The following KIF4A variants were observed in gnomAD, a reference collection of about 807,000 sequenced individuals.
The protein encoded by KIF4A is kinesin family member 4A, also known as chromosome-associated kinesin KIF4A.
A neutral mutation model predicts 105.9 loss-of-function variants in KIF4A; 7 were observed. That is an observed-to-expected ratio of 0.07 (90% CI 0.04 to 0.12). The LOEUF (loss-of-function observed/expected upper bound fraction) is 0.12, where lower values mean the gene tolerates loss of function less well. Among genes scored for constraint, KIF4A ranks in the 10% least tolerant of loss-of-function variants. The pLI is 1.00. For synonymous variants in KIF4A, 281 were observed against 331.3 expected (o/e 0.85, Z 1.65); for missense variants, 558 against 929.2 (o/e 0.60, Z 5.19).
chrX:70,348,798 A>C (rs1327471367), intron 13 of KIF4A, among the ~76,000 whole-genome samples: 1 of 111,421 alleles, frequency 9.0e-6, no homozygotes, highest in Non-Finnish European at 1.9e-5. Flanking sequence ...TCTTTTCCCC[A>C]CATTTCCCCC....
chrX:70,350,154 G>A (rs1170409493), intron 13 of KIF4A, among the ~76,000 whole-genome samples: 1 of 111,769 alleles, frequency 8.9e-6, no homozygotes, highest in Non-Finnish European at 1.9e-5. Context: ...GGTGGAGGTT[G>A]TAGCGAGCCG....
intron 9 of KIF4A, among the ~76,000 whole-genome samples, chrX:70,333,052 C>T (rs181284124): frequency 1.8e-5 from 2 of 110,971 alleles, no homozygotes; most frequent in East Asian, 5.7e-4. Flanking sequence ...AAAATAGGTA[C>T]TCAAGGCCAG....
At chrX:70,293,357 T>C (rs768325666) in intron 3 of KIF4A, among the ~76,000 whole-genome samples, 1 of 112,534 alleles carries the variant, frequency 8.9e-6, no homozygotes, top group Non-Finnish European at 1.9e-5. Flanking sequence ...CTTGACAACA[T>C]GTCTGCCACA....
rs1222737577 is a variant in KIF4A at position 70,395,965 on chromosome X, T to C, written c.2405T>C (p.Leu802Pro). ...PPKLRRRTFS[L>P]TEVRGQVSES... The stretch of plus-strand genomic sequence containing the variant: ...TATTTACAGAGGCGTACATTCTCCC[T>C]TACTGAAGTGCGTGGTCAAGTTTCG... Residue 802 changes from leucine to proline, a missense_variant, in exon 22 of 31, where the codon CTT (leucine) becomes CCT (proline). Coordinates refer to ENST00000374403, the MANE Select transcript of KIF4A (RefSeq NM_012310.5). 2 of 1,207,051 alleles carry C rather than the reference T, an allele frequency of 1.7e-6. No individual in the cohort carries two copies. Among genetic ancestry groups the C allele is most frequent in the Non-Finnish European group, 2.2e-6 (2 of 892,873 alleles).
chrX:70,349,312 G>GGGT (rs1367178829), intron 13 of KIF4A, among the ~76,000 whole-genome samples: 1 of 98,615 alleles, frequency 1.0e-5, no homozygotes, highest in Non-Finnish European at 2.0e-5. Context: ...CTCCCAGACA[G>GGGT]GGTGGCCGGG....
At chrX:70,367,683 A>G (rs1437383097) in intron 15 of KIF4A, among the ~76,000 whole-genome samples, 1 of 110,388 alleles carries the variant, frequency 9.1e-6, no homozygotes, top group Non-Finnish European at 1.9e-5. Context: ...TGCCCTTAAC[A>G]TTTTTTCCTT....
At chrX:70,366,659 T>C (rs1184049571) in intron 15 of KIF4A, among the ~76,000 whole-genome samples, 3 of 112,046 alleles carry the variant, frequency 2.7e-5, no homozygotes. Flanking sequence ...TGAGGAGTGC[T>C]TTACTTCCAA....
At chrX:70,383,322 G>T (rs1176499500) in intron 18 of KIF4A, among the ~76,000 whole-genome samples, 2 of 111,891 alleles carry the variant, frequency 1.8e-5, no homozygotes, top group East Asian at 5.6e-4. Flanking sequence ...AAACCACAAT[G>T]AGATGCAATT....
Position 70,338,389 on chromosome X carries a change from T to TA in KIF4A, c.1134-3409dup, listed in dbSNP as rs2085958973. Among the ~76,000 whole-genome samples the TA allele has an allele frequency of 3.6e-5, 4 of 112,515 alleles. No individual in the cohort carries two copies. The South Asian group carries it at 1.5e-3, about 41-fold the overall frequency. Reference sequence around the variant, plus strand: ...AGATTTGCCTATTATAGACATTTCGTATACATGGAATCATAGAGGATGTAG... The same window carrying TA: ...AGATTTGCCTATTATAGACATTTCGTAATACATGGAATCATAGAGGATGTAG... On this transcript the variant is annotated intron_variant, in intron 10 of 30. Coordinates refer to ENST00000374403, the MANE Select transcript of KIF4A (RefSeq NM_012310.5).
At chrX:70,302,815 T>C (rs1366342099) in intron 7 of KIF4A, among the ~76,000 whole-genome samples, 1 of 111,949 alleles carries the variant, frequency 8.9e-6, no homozygotes, top group Non-Finnish European at 1.9e-5. Flanking sequence ...TTCCTAAGGC[T>C]AGAAGAACCC....
Position 70,404,112 on chromosome X carries a change from G to A in KIF4A, c.2790+78G>A, listed in dbSNP as rs548898341. 2,701 of 1,095,283 alleles carry A rather than the reference G, an allele frequency of 2.5e-3. 39 individuals carry two copies. The South Asian group carries it at 0.051, about 21-fold the overall frequency. 90.3% of individuals were successfully genotyped at this position (1,095,283 alleles called of 1,213,427 possible). On this transcript the variant is annotated intron_variant, in intron 24 of 30. Coordinates refer to ENST00000374403, the MANE Select transcript of KIF4A (RefSeq NM_012310.5). ...TTGTTAGTTTTAAAAAAAAAGTGGGGATATGAAATTTCTTTCAAAAGTCCA... is the reference window on the plus strand; with the variant it reads ...TTGTTAGTTTTAAAAAAAAAGTGGGAATATGAAATTTCTTTCAAAAGTCCA...
chrX:70,407,936 G>A (rs897371070), intron 28 of KIF4A, among the ~76,000 whole-genome samples: 1 of 110,756 alleles, frequency 9.0e-6, no homozygotes, highest in Admixed American at 9.6e-5. Context: ...GCCTGATGGC[G>A]CATGCCTGTA....
chrX:70,416,077 G>A (rs776382515), intron 28 of KIF4A, among the ~76,000 whole-genome samples: 36 of 109,362 alleles, frequency 3.3e-4, no homozygotes, highest in Non-Finnish European at 5.9e-4. Context: ...ATGTTGGTCA[G>A]GCTGGTCTTG....
At chrX:70,357,553 C>T (rs1420897507) in intron 15 of KIF4A, among the ~76,000 whole-genome samples, 3 of 111,819 alleles carry the variant, frequency 2.7e-5, no homozygotes, top group African/African-American at 9.8e-5. Flanking sequence ...TAGTATACCC[C>T]TTTGCTTTGG....
chrX:70,343,481 G>A (rs904187946), intron 11 of KIF4A, among the ~76,000 whole-genome samples: 1 of 111,494 alleles, frequency 9.0e-6, no homozygotes, highest in Admixed American at 9.6e-5. Context: ...AAACCTAGCT[G>A]CTCGGATGCT....
rs185561244 is a variant in KIF4A at position 70,333,105 on chromosome X, G to A, written c.1072-523G>A. 3.1e-3 allele frequency among the ~76,000 whole-genome samples: 346 copies of A among 110,383 alleles called. 2 individuals carry two copies. The highest frequency in any genetic ancestry group is 0.011 in the African/African-American group (337 of 30,354). ...TGTAAGCCCCGCACTTTGGGAGGAC[G>A]AGGTAGGTGGATCAATTGAGGTCAG... On this transcript the variant is annotated intron_variant, in intron 9 of 30. Coordinates refer to ENST00000374403, the MANE Select transcript of KIF4A (RefSeq NM_012310.5).
intron 13 of KIF4A, 137 bp downstream of exon 13, chrX:70,344,119 A>T: frequency 2.1e-6 from 1 of 471,638 alleles, no homozygotes; most frequent in South Asian, 3.3e-5. Flanking sequence ...GTCGTGGATC[A>T]TTTGATATGA....
intron 15 of KIF4A, among the ~76,000 whole-genome samples, chrX:70,359,430 T>G (rs1460122276): frequency 9.1e-6 from 1 of 109,398 alleles, no homozygotes; most frequent in Non-Finnish European, 1.9e-5. Context: ...TTTCTTTCTT[T>G]CTTTCTTTCT....
intron 29 of KIF4A, among the ~76,000 whole-genome samples, chrX:70,418,766 A>G (rs2086354197): frequency 8.9e-6 from 1 of 112,101 alleles, no homozygotes; most frequent in African/African-American, 3.2e-5. Flanking sequence ...CCACATGTGA[A>G]GAGTTTCAAC....
Sources: allele counts gnomAD v4.1 joint callset (sites outside exome capture counted in the v4.1 genomes callset), GRCh38; gene constraint gnomAD v4.1.1; transcripts MANE v1.5; gene names NCBI Gene and HGNC (gene_info 2026-07-23, HGNC 2026-07-21).